The following STX3 variants were observed in gnomAD, a reference collection of about 807,000 sequenced individuals.
STX3 encodes syntaxin-3.
Under a neutral mutation model 40.2 loss-of-function variants are expected in STX3, and 19 were observed. That is an observed-to-expected ratio of 0.47 (90% CI 0.33 to 0.69). The LOEUF (loss-of-function observed/expected upper bound fraction) is 0.69, where lower values mean the gene tolerates loss of function less well. Among genes scored for constraint, STX3 ranks in the 30% least tolerant of loss-of-function variants. The pLI, the probability that STX3 is intolerant of heterozygous loss-of-function variation, is 0.02. For synonymous variants in STX3, 122 were observed against 132.2 expected (o/e 0.92, Z 0.53); for missense variants, 364 against 366.7 (o/e 0.99, Z 0.06).
intron 5 of STX3, among the ~76,000 whole-genome samples, chr11:59,791,556 T>A (rs1865163021): frequency 6.6e-6 from 1 of 152,074 alleles, no homozygotes; most frequent in Admixed American, 6.5e-5. Context: ...TTGGAAAAAG[T>A]ATATATATTG....
At chr11:59,771,916 G>A (rs907161465) in intron 1 of STX3, among the ~76,000 whole-genome samples, 4 of 152,198 alleles carry the variant, frequency 2.6e-5, no homozygotes, top group Non-Finnish European at 5.9e-5. Flanking sequence ...CGACTCCCTT[G>A]AATGTGGCTA....
chr11:59,801,303 T>A lies in STX3; in HGVS notation c.*479T>A. On this transcript the variant is annotated 3_prime_UTR_variant, in exon 11 of 11. Coordinates refer to ENST00000337979, the MANE Select transcript of STX3 (RefSeq NM_004177.5). ...CAACAAGAAGGCTTGGATCTGAGTCTTCTACCTGGCAGGATGCCAATCCTG... is the reference window on the plus strand; with the variant it reads ...CAACAAGAAGGCTTGGATCTGAGTCATCTACCTGGCAGGATGCCAATCCTG... The A allele has an allele frequency of 4.0e-6, 4 of 998,074 alleles. No individual in the cohort carries two copies. Among genetic ancestry groups the A allele is most frequent in the Non-Finnish European group, 4.8e-6 (4 of 837,460 alleles). 61.8% of individuals were successfully genotyped at this position (998,074 alleles called of 1,614,324 possible). A position where few individuals can be genotyped will look rare whatever the true frequency, so the allele number is the denominator to read the frequency against.
At chr11:59,767,106 T>C (rs1449447549) in intron 1 of STX3, among the ~76,000 whole-genome samples, 1 of 152,214 alleles carries the variant, frequency 6.6e-6, no homozygotes, top group Non-Finnish European at 1.5e-5. Context: ...GGTTGCATTC[T>C]GGGCCTCTGA....
chr11:59,779,074 G>A (rs1864184968), intron 2 of STX3, among the ~76,000 whole-genome samples: 1 of 152,120 alleles, frequency 6.6e-6, no homozygotes, highest in Admixed American at 6.5e-5. Context: ...CTGATCTCAG[G>A]TGATCTGCCC....
At chr11:59,780,714 G>C (rs528525) in intron 2 of STX3, among the ~76,000 whole-genome samples, 24,376 of 151,998 alleles carry the variant, frequency 0.16, 3,675 homozygotes, top group African/African-American at 0.4. Context: ...CTTCTCTTTC[G>C]CTCTGACCTG....
intron 1 of STX3, among the ~76,000 whole-genome samples, chr11:59,767,655 C>T (rs2134893808): frequency 6.6e-6 from 1 of 152,306 alleles, no homozygotes; most frequent in East Asian, 1.9e-4. Flanking sequence ...TGATCTGGAC[C>T]AAACTTTGTT....
chr11:59,800,268 G>A (rs17596359), intron 10 of STX3: 42,753 of 985,318 alleles, frequency 0.043, 1,007 homozygotes, highest in African/African-American at 0.048. Context: ...GAACAGGAGG[G>A]TAGACAGTGT....
intron 2 of STX3, among the ~76,000 whole-genome samples, chr11:59,774,065 A>G (rs374102838): frequency 5.4e-4 from 82 of 152,228 alleles, no homozygotes; most frequent in African/African-American, 2.0e-3. Context: ...TAGTTTTGTA[A>G]AAGTTCAACA....
chr11:59,803,919 A>C lies in STX3; in HGVS notation c.*3095A>C, dbSNP rs1420169618. The C allele has an allele frequency of 6.5e-6, 1 of 153,100 alleles. No homozygotes were observed. The highest frequency in any genetic ancestry group is 1.5e-5 in the Non-Finnish European group (1 of 68,026). 9.5% of individuals were successfully genotyped at this position (153,100 alleles called of 1,614,324 possible). A position where few individuals can be genotyped will look rare whatever the true frequency, so the allele number is the denominator to read the frequency against. On this transcript the variant is annotated 3_prime_UTR_variant, in exon 11 of 11. Transcript: ENST00000337979. Reference sequence around the variant, plus strand: ...CATCACTTCTCCACGCAGACTCCTCATCAGCTTCTCCTCTTTCCATTATGA... The same window carrying C: ...CATCACTTCTCCACGCAGACTCCTCCTCAGCTTCTCCTCTTTCCATTATGA...
chr11:59,800,254 C>G (rs1865800694), intron 10 of STX3: 8 of 985,234 alleles, frequency 8.1e-6, no homozygotes, highest in Non-Finnish European at 7.2e-6. Context: ...GGAGAGAGGT[C>G]TCTGAACAGG....
At chr11:59,756,142 T>C in intron 1 of STX3, among the ~76,000 whole-genome samples, 1 of 151,934 alleles carries the variant, frequency 6.6e-6, no homozygotes, top group East Asian at 1.9e-4. Flanking sequence ...TGGTCTGTAA[T>C]TGTTATCCCC....
intron 1 of STX3, among the ~76,000 whole-genome samples, chr11:59,757,315 G>A (rs1469020746): frequency 2.0e-5 from 3 of 152,018 alleles, no homozygotes; most frequent in Non-Finnish European, 4.4e-5. Flanking sequence ...TCTCTGTGTC[G>A]GCACACCCAG....
In STX3 at chr11:59,792,110, T is replaced by C. The variant is rs751315202; in HGVS notation, c.361T>C (p.Ser121Pro). The C allele has an allele frequency of 3.1e-6, 5 of 1,613,622 alleles. No homozygotes were observed. In the South Asian group the frequency reaches 5.5e-5, roughly 18 times the overall value. ...ADLRIRKSQH[S>P]VLSRKFVEVM... ...TGCATTTTACATCATCCCACAGCACTCTGTCCTTTCTCGGAAGTTTGTGGA... is the reference window on the plus strand; with the variant it reads ...TGCATTTTACATCATCCCACAGCACCCTGTCCTTTCTCGGAAGTTTGTGGA... Residue 121 changes from serine to proline, a missense_variant, in exon 6 of 11, where the codon TCT becomes CCT. Transcript: ENST00000337979.
intron 2 of STX3, among the ~76,000 whole-genome samples, chr11:59,774,861 G>A (rs1216032360): frequency 6.6e-6 from 1 of 152,032 alleles, no homozygotes; most frequent in Admixed American, 6.6e-5. Flanking sequence ...AAAACCAAGA[G>A]GAATAATGTT....
chr11:59,794,102 AT>A (rs200634593), intron 8 of STX3, among the ~76,000 whole-genome samples: 7 of 150,638 alleles, frequency 4.6e-5, no homozygotes, highest in Non-Finnish European at 8.9e-5. Context: ...TTCTGTTTGT[AT>A]TTTTTTTTAA....
intron 5 of STX3, 112 bp downstream of exon 5, chr11:59,790,698 A>G (rs1362422825): frequency 1.3e-6 from 1 of 784,248 alleles, no homozygotes; most frequent in East Asian, 2.7e-5. Context: ...ACTCAATTTG[A>G]AGACCTGGTA....
intron 4 of STX3, 122 bp downstream of exon 4, chr11:59,789,069 C>A: frequency 3.4e-6 from 3 of 874,410 alleles, no homozygotes; most frequent in South Asian, 1.6e-5. Context: ...TCCATCTTTG[C>A]TTGTGGTTTG....
intron 5 of STX3, 116 bp from the exon 6 acceptor site, chr11:59,791,991 C>G: frequency 1.2e-6 from 1 of 856,906 alleles, no homozygotes; most frequent in Admixed American, 2.3e-5. Flanking sequence ...GGTTTGACAC[C>G]TGGTTTTTTG....
rs142102987 is a variant in STX3, at chr11:59,802,729, C to G, written c.*1905C>G. 58 of 985,932 alleles carry G rather than the reference C, an allele frequency of 5.9e-5. No individual in the cohort carries two copies. In the East Asian group the frequency reaches 6.2e-3, roughly 106 times the overall value. 61.1% of individuals were successfully genotyped at this position (985,932 alleles called of 1,614,324 possible). A position where few individuals can be genotyped will look rare whatever the true frequency, so the allele number is the denominator to read the frequency against. Reference sequence around the variant, plus strand: ...AAACGGTTCTGGCTCTGTCTCGATGCAGAAACACAATGATCTGGTGCCACC... The same window carrying G: ...AAACGGTTCTGGCTCTGTCTCGATGGAGAAACACAATGATCTGGTGCCACC... On this transcript the variant is annotated 3_prime_UTR_variant, in exon 11 of 11. Transcript: ENST00000337979.
Sources: allele counts gnomAD v4.1 joint callset (sites outside exome capture counted in the v4.1 genomes callset), GRCh38; gene constraint gnomAD v4.1.1; transcripts MANE v1.5; gene names NCBI Gene and HGNC (gene_info 2026-07-23, HGNC 2026-07-21).